The following YPEL1 variants were observed in gnomAD, a reference collection of about 807,000 sequenced individuals.
YPEL1 encodes yippee like 1, also known as protein yippee-like 1.
YPEL1 carries 7 observed loss-of-function variants against 17.3 expected under a neutral mutation model. The observed-to-expected ratio is 0.40, with a 90% confidence interval of 0.23 to 0.76. YPEL1 has a LOEUF of 0.76. YPEL1 is among the 30% of genes least tolerant of loss of function. YPEL1 has a pLI of 0.35. For synonymous variants in YPEL1, 59 were observed against 59.6 expected (o/e 0.99, Z 0.05); for missense variants, 91 against 155.5 (o/e 0.59, Z 2.21).
At chr22:21,710,098 G>A (rs550245043) in intron 2 of YPEL1, among the ~76,000 whole-genome samples, 1 of 152,166 alleles carries the variant, frequency 6.6e-6, no homozygotes, top group East Asian at 1.9e-4. Flanking sequence ...AGTAAGGAGG[G>A]GCCAGGGGAT....
chr22:21,715,069 T>G (rs2068207914), intron 1 of YPEL1, among the ~76,000 whole-genome samples: 1 of 152,196 alleles, frequency 6.6e-6, no homozygotes, highest in African/African-American at 2.4e-5. Context: ...AAGGCATGTA[T>G]GTATAGTATG....
intron 1 of YPEL1, among the ~76,000 whole-genome samples, chr22:21,724,502 A>C (rs1487692985): frequency 1.3e-5 from 2 of 151,906 alleles, no homozygotes; most frequent in African/African-American, 4.8e-5. Context: ...GCACCACTGC[A>C]CTCCAGCATG....
chr22:21,715,717 G>C (rs1443995070), intron 1 of YPEL1, among the ~76,000 whole-genome samples: 2 of 113,450 alleles, frequency 1.8e-5, no homozygotes, highest in Non-Finnish European at 4.3e-5. Context: ...GAGTAGCTGG[G>C]ACTACTGGCA....
intron 1 of YPEL1, among the ~76,000 whole-genome samples, chr22:21,735,344 C>A (rs926322718): frequency 6.6e-5 from 10 of 150,480 alleles, no homozygotes; most frequent in South Asian, 2.2e-4. Flanking sequence ...CACGGCGGGG[C>A]GGGAGAAGAG....
chr22:21,724,294 T>C (rs1270383446), intron 1 of YPEL1, among the ~76,000 whole-genome samples: 1 of 152,144 alleles, frequency 6.6e-6, no homozygotes, highest in Non-Finnish European at 1.5e-5. Context: ...ATCTCAGCAC[T>C]TTGGGAGGCC....
intron 2 of YPEL1, among the ~76,000 whole-genome samples, chr22:21,710,205 C>T (rs1369814114): frequency 6.6e-6 from 1 of 152,150 alleles, no homozygotes; most frequent in African/African-American, 2.4e-5. Context: ...CGCAGCCACA[C>T]CCTCTGGGGC....
At chr22:21,717,093 C>T (rs974303078) in intron 1 of YPEL1, among the ~76,000 whole-genome samples, 8 of 145,476 alleles carry the variant, frequency 5.5e-5, no homozygotes, top group East Asian at 4.7e-4. Context: ...AGGCCGGGCG[C>T]GCTGGCTCAC....
At chr22:21,719,194 C>T (rs574257750) in intron 1 of YPEL1, among the ~76,000 whole-genome samples, 188 of 152,276 alleles carry the variant, frequency 1.2e-3, no homozygotes, top group Middle Eastern at 6.8e-3. Flanking sequence ...CCACTTCCAC[C>T]TCTGCTCTCC....
At chr22:21,724,340 C>A (rs549667093) in intron 1 of YPEL1, among the ~76,000 whole-genome samples, 3 of 152,068 alleles carry the variant, frequency 2.0e-5, no homozygotes, top group Non-Finnish European at 4.4e-5. Flanking sequence ...AGTTTGAGAC[C>A]GGCCTGGCCA....
chr22:21,699,156 G>T lies in YPEL1; in HGVS notation c.*1973C>A, dbSNP rs1174984523. On this transcript the variant is annotated 3_prime_UTR_variant, in exon 5 of 5. Coordinates refer to ENST00000339468, the MANE Select transcript of YPEL1 (RefSeq NM_013313.5). ...AGCCCAGTGCCTGCCTGGACCGCAGGTCTGGGTTTAGGAAGGGCTGAAGTC... is the reference window on the plus strand; with the variant it reads ...AGCCCAGTGCCTGCCTGGACCGCAGTTCTGGGTTTAGGAAGGGCTGAAGTC... 1 of 152,512 alleles carries T rather than the reference G, an allele frequency of 6.6e-6. No individual in the cohort carries two copies. The highest frequency in any genetic ancestry group is 1.5e-5 in the Non-Finnish European group (1 of 68,166). 9.4% of individuals were successfully genotyped at this position (152,512 alleles called of 1,614,324 possible).
chr22:21,725,803 G>A lies in YPEL1; in HGVS notation c.-165+9812C>T, dbSNP rs549448816. Among the ~76,000 whole-genome samples the A allele has an allele frequency of 1.5e-4, 23 of 148,770 alleles. 1 individual carries two copies. In the South Asian group the frequency reaches 5.0e-3, roughly 32 times the overall value. On this transcript the variant is annotated intron_variant, in intron 1 of 4. Transcript: ENST00000339468. ...AGCCCAGGAGTTCGAGACCAGCCCAGGCAAGATAGTGAGACCCTGTCTCTA... is the reference window on the plus strand; with the variant it reads ...AGCCCAGGAGTTCGAGACCAGCCCAAGCAAGATAGTGAGACCCTGTCTCTA...
chr22:21,720,397 C>T (rs1310115558), intron 1 of YPEL1, among the ~76,000 whole-genome samples: 1 of 151,766 alleles, frequency 6.6e-6, no homozygotes, highest in Non-Finnish European at 1.5e-5. Flanking sequence ...GATGGGGTCT[C>T]ACTTTGTTAC....
chr22:21,732,984 T>G (rs1482531082), intron 1 of YPEL1, among the ~76,000 whole-genome samples: 1 of 151,996 alleles, frequency 6.6e-6, no homozygotes, highest in African/African-American at 2.4e-5. Context: ...GGCATGGTGG[T>G]GCACACCCAC....
chr22:21,718,064 G>A (rs571440025), intron 1 of YPEL1, among the ~76,000 whole-genome samples: 125 of 151,186 alleles, frequency 8.3e-4, no homozygotes, highest in Non-Finnish European at 1.4e-3. Flanking sequence ...CCAAGGGGTC[G>A]AGGCTGCAAT....
chr22:21,703,732 C>CAA lies in YPEL1; in HGVS notation c.161+106_161+107insTT. 1 of 1,264,864 alleles carries CAA rather than the reference C, an allele frequency of 7.9e-7. No individual in the cohort carries two copies. Among genetic ancestry groups the CAA allele is most frequent in the Non-Finnish European group, 1.1e-6 (1 of 911,152 alleles). The allele number at this position is 1,264,864 out of a possible 1,614,324, so 78.4% of individuals were successfully genotyped here. On this transcript the variant is annotated intron_variant, in intron 3 of 4. Coordinates refer to ENST00000339468, the MANE Select transcript of YPEL1 (RefSeq NM_013313.5). This position sits in a 1 kb window ranked among gnomAD's most constrained non-coding sequence, Gnocchi z 6.1. ...CCGGCGGGGGGATGGTGGGTTCTTTCAGGACCCCTAAAGACCCAGGTGATT... is the reference window on the plus strand; with the variant it reads ...CCGGCGGGGGGATGGTGGGTTCTTTCAAAGGACCCCTAAAGACCCAGGTGATT...
intron 1 of YPEL1, among the ~76,000 whole-genome samples, chr22:21,734,040 G>T (rs1257970086): frequency 2.0e-5 from 3 of 152,150 alleles, no homozygotes; most frequent in African/African-American, 7.2e-5. Flanking sequence ...CATTAAGTGA[G>T]ACCCCAGTCT....
At chr22:21,726,310 T>A (rs1056421082) in intron 1 of YPEL1, among the ~76,000 whole-genome samples, 1 of 152,228 alleles carries the variant, frequency 6.6e-6, no homozygotes, top group Non-Finnish European at 1.5e-5. Flanking sequence ...GCCCCCAGAA[T>A]GACAAGAATG....
intron 1 of YPEL1, among the ~76,000 whole-genome samples, chr22:21,711,650 CACA>C (rs149182946): frequency 0.055 from 8,335 of 152,258 alleles, 260 homozygotes; most frequent in South Asian, 0.11. Flanking sequence ...CAAATGGTGT[CACA>C]ACAACTGGAT....
intron 1 of YPEL1, among the ~76,000 whole-genome samples, chr22:21,733,746 TAAACAAACCA>T (rs2068410668): frequency 6.6e-6 from 1 of 151,638 alleles, no homozygotes; most frequent in Admixed American, 6.6e-5. Flanking sequence ...TTTGTTGAAA[TAAACAAACCA>T]AAACAAACCA....
Sources: gnomAD v4.1 joint callset for allele counts (sites outside exome capture counted in the v4.1 genomes callset) on GRCh38, gnomAD v4.1.1 for gene constraint, Gnocchi (gnomAD v3.1) non-coding constraint, MANE v1.5 for transcripts, NCBI Gene and HGNC (gene_info 2026-07-23, HGNC 2026-07-21) for gene names.